Variants in CSMD1 observed in about 807,000 individuals in gnomAD.
CSMD1 encodes the protein CUB and Sushi multiple domains 1.
A neutral mutation model predicts 417.5 loss-of-function variants in CSMD1; 213 were observed. That is an observed-to-expected ratio of 0.51 (90% CI 0.46 to 0.57). The LOEUF (loss-of-function observed/expected upper bound fraction) is 0.57, where lower values mean the gene tolerates loss of function less well. CSMD1 is among the 20% of genes least tolerant of loss of function. The probability of loss-of-function intolerance (pLI) is 0.00; values close to 1 mark genes in which losing one functional copy is unlikely to be tolerated. For synonymous variants in CSMD1, 2,862 were observed against 1,736.8 expected, an observed-to-expected ratio of 1.65 and a Z score of -16.11; for missense variants, 6,923 against 4,529.7, an observed-to-expected ratio of 1.53 and a Z score of -15.17.
At chr8:4,164,117 A>T (rs80032976) in intron 3 of CSMD1, among the ~76,000 whole-genome samples, 7 of 134,746 alleles carry the variant, frequency 5.2e-5, no homozygotes, top group Non-Finnish European at 8.1e-5. Flanking sequence ...ATACTTTTAA[A>T]TTTTATTATA....
At chr8:4,424,567 G>A (rs1008166537) in intron 2 of CSMD1, among the ~76,000 whole-genome samples, 1 of 152,150 alleles carries the variant, frequency 6.6e-6, no homozygotes, top group African/African-American at 2.4e-5. Flanking sequence ...TGGCTAGAAC[G>A]TGGAGAAAAT....
intron 2 of CSMD1, among the ~76,000 whole-genome samples, chr8:4,579,538 A>G (rs1181946394): frequency 6.6e-6 from 1 of 151,838 alleles, no homozygotes; most frequent in Non-Finnish European, 1.5e-5. Context: ...AATTTTTTGT[A>G]TTTTTAGTAG....
At chr8:3,175,605 C>A (rs1489047830) in intron 37 of CSMD1, among the ~76,000 whole-genome samples, 1 of 151,260 alleles carries the variant, frequency 6.6e-6, no homozygotes, top group Non-Finnish European at 1.5e-5. Context: ...TCCCTCCCTC[C>A]CTTCCTGAGG....
chr8:3,971,116 T>C (rs1055304720), intron 5 of CSMD1, among the ~76,000 whole-genome samples: 17 of 152,136 alleles, frequency 1.1e-4, no homozygotes, highest in Middle Eastern at 3.2e-3. Context: ...TGATCCAACA[T>C]GGTGCTGAAA....
At chr8:4,141,547 T>C (rs752777131) in intron 3 of CSMD1, among the ~76,000 whole-genome samples, 1 of 151,062 alleles carries the variant, frequency 6.6e-6, no homozygotes. Flanking sequence ...AACAAAGGGG[T>C]TAAGAAGCTC....
intron 12 of CSMD1, among the ~76,000 whole-genome samples, chr8:3,439,424 T>C (rs1278058592): frequency 2.0e-5 from 3 of 150,988 alleles, no homozygotes; most frequent in Non-Finnish European, 4.4e-5. Context: ...GTTCTATGTG[T>C]TTATGGTACA....
At chr8:3,172,906 T>C (rs570150691) in intron 37 of CSMD1, among the ~76,000 whole-genome samples, 2 of 152,314 alleles carry the variant, frequency 1.3e-5, no homozygotes, top group South Asian at 4.1e-4. Flanking sequence ...TCTGAAGCAA[T>C]AAGCAGGAGG....
chr8:4,535,304 T>A (rs1457198433), intron 2 of CSMD1, among the ~76,000 whole-genome samples: 1 of 152,190 alleles, frequency 6.6e-6, no homozygotes, highest in African/African-American at 2.4e-5. Context: ...TTATTTGTTA[T>A]CTGAAAAATA....
At chr8:3,946,589 T>C (rs1333380419) in intron 5 of CSMD1, among the ~76,000 whole-genome samples, 3 of 152,132 alleles carry the variant, frequency 2.0e-5, no homozygotes, top group Non-Finnish European at 4.4e-5. Flanking sequence ...AAATGATACA[T>C]CCTTTTGGGC....
At position 4,750,068 on chromosome 8, in the gene CSMD1, C is replaced by G. The variant is rs948741631; in HGVS notation, c.86-112510G>C. On this transcript the variant is annotated intron_variant, in intron 1 of 69. Coordinates refer to ENST00000635120, the MANE Select transcript of CSMD1 (RefSeq NM_033225.6). Reference sequence around the variant, plus strand: ...GTCGCCCAGGCTGGAGTGCAGTGGGCGATCTCGGCTCACCGCAAGCTCCGC... The same window carrying G: ...GTCGCCCAGGCTGGAGTGCAGTGGGGGATCTCGGCTCACCGCAAGCTCCGC... 1.8e-3 allele frequency among the ~76,000 whole-genome samples: 280 copies of G among 151,838 alleles called. 1 individual carries two copies. Among genetic ancestry groups the G allele is most frequent in the Middle Eastern group, 0.01 (3 of 294 alleles).
intron 1 of CSMD1, among the ~76,000 whole-genome samples, chr8:4,906,456 G>GT (rs891344057): frequency 1.9e-4 from 29 of 152,260 alleles, no homozygotes; most frequent in African/African-American, 6.7e-4. Context: ...TGTTCATTAA[G>GT]TTTTTTGTAG....
At chr8:3,346,110 AT>A (rs1040849630) in intron 22 of CSMD1, among the ~76,000 whole-genome samples, 30 of 152,312 alleles carry the variant, frequency 2.0e-4, no homozygotes, top group African/African-American at 5.5e-4. Context: ...TAACAGAGAT[AT>A]TTTTTAGCAT....
At chr8:3,419,570 T>G (rs1486300643) in intron 12 of CSMD1, among the ~76,000 whole-genome samples, 1 of 152,160 alleles carries the variant, frequency 6.6e-6, no homozygotes, top group Non-Finnish European at 1.5e-5. Flanking sequence ...ACTAGGAAAT[T>G]CTGAAACCTG....
At chr8:4,738,261 C>T (rs7464384) in intron 1 of CSMD1, among the ~76,000 whole-genome samples, 5,074 of 152,292 alleles carry the variant, frequency 0.033, 90 homozygotes, top group South Asian at 0.061. Flanking sequence ...TTCATTTTCA[C>T]GCTGCTATAA....
intron 5 of CSMD1, among the ~76,000 whole-genome samples, chr8:3,756,985 G>C (rs1191958222): frequency 1.3e-5 from 2 of 151,990 alleles, no homozygotes; most frequent in Non-Finnish European, 2.9e-5. Flanking sequence ...ATTTTTTGTA[G>C]AGACTGGGGG....
intron 1 of CSMD1, among the ~76,000 whole-genome samples, chr8:4,977,924 C>T (rs1178314667): frequency 1.3e-5 from 2 of 152,194 alleles, no homozygotes; most frequent in Non-Finnish European, 2.9e-5. Flanking sequence ...GTGTCCAATA[C>T]CCAAGACCTC....
chr8:2,949,834 G>C (rs1292287798), intron 67 of CSMD1, among the ~76,000 whole-genome samples: 1 of 152,134 alleles, frequency 6.6e-6, no homozygotes, highest in African/African-American at 2.4e-5. Flanking sequence ...ACGGTGTTAA[G>C]GGGGATGTCT....
At chr8:4,456,352 G>C (rs1240501618) in intron 2 of CSMD1, among the ~76,000 whole-genome samples, 1 of 152,148 alleles carries the variant, frequency 6.6e-6, no homozygotes, top group Non-Finnish European at 1.5e-5. Context: ...GAACATGTTG[G>C]TAAAAATACT....
At chr8:3,955,849 G>C (rs779895996) in intron 5 of CSMD1, among the ~76,000 whole-genome samples, 4 of 152,314 alleles carry the variant, frequency 2.6e-5, no homozygotes, top group Non-Finnish European at 4.4e-5. Flanking sequence ...GCCACACTGA[G>C]ATCTCTGTTC....
Sources: allele counts gnomAD v4.1 joint callset (sites outside exome capture counted in the v4.1 genomes callset), GRCh38; gene constraint gnomAD v4.1.1; transcripts MANE v1.5; gene names NCBI Gene and HGNC (gene_info 2026-07-23, HGNC 2026-07-21).